Variants in RORA observed in about 807,000 individuals in gnomAD.
The protein encoded by RORA is nuclear receptor ROR-alpha.
RORA carries 7 observed loss-of-function variants against 69.5 expected under a neutral mutation model. That is an observed-to-expected ratio of 0.10 (90% CI 0.06 to 0.19). The LOEUF is 0.19. RORA is among the 10% of genes least tolerant of loss of function. The pLI is 1.00. For synonymous variants in RORA, 261 were observed against 240.8 expected, an observed-to-expected ratio of 1.08 and a Z score of -0.78; for missense variants, 457 against 663.0, an observed-to-expected ratio of 0.69 and a Z score of 3.41.
chr15:60,976,366 A>G (rs1893873369), intron 1 of RORA, among the ~76,000 whole-genome samples: 1 of 152,182 alleles, frequency 6.6e-6, no homozygotes, highest in South Asian at 2.1e-4. Context: ...ATCGCCCACA[A>G]AGAAAAGAGA....
At chr15:61,027,619 GCT>G (rs1038896613) in intron 1 of RORA, among the ~76,000 whole-genome samples, 19 of 152,054 alleles carry the variant, frequency 1.2e-4, no homozygotes, top group Non-Finnish European at 2.2e-4. Flanking sequence ...CACGTCCTCT[GCT>G]CTGTTACAAC....
At chr15:60,973,719 C>G (rs1006943354) in intron 1 of RORA, among the ~76,000 whole-genome samples, 1 of 152,166 alleles carries the variant, frequency 6.6e-6, no homozygotes, top group African/African-American at 2.4e-5. Context: ...GGCCAGGCCT[C>G]AAGAAGAACA....
intron 1 of RORA, among the ~76,000 whole-genome samples, chr15:61,076,498 G>C (rs1286611727): frequency 6.6e-6 from 1 of 152,030 alleles, no homozygotes; most frequent in Non-Finnish European, 1.5e-5. Flanking sequence ...GAACGTGCAA[G>C]CTAAAGATAG....
chr15:60,586,158 A>G (rs2068328518), intron 2 of RORA, among the ~76,000 whole-genome samples: 1 of 151,468 alleles, frequency 6.6e-6, no homozygotes, highest in Non-Finnish European at 1.5e-5. Context: ...ATGATATCAC[A>G]AAGACTGGTG....
chr15:60,703,629 T>C (rs1760815308), intron 1 of RORA, among the ~76,000 whole-genome samples: 1 of 152,164 alleles, frequency 6.6e-6, no homozygotes, highest in South Asian at 2.1e-4. Flanking sequence ...ATCTTCTTAA[T>C]AGCGATTAAG....
chr15:61,002,806 CA>C (rs1894782953), intron 1 of RORA, among the ~76,000 whole-genome samples: 1 of 152,052 alleles, frequency 6.6e-6, no homozygotes, highest in South Asian at 2.1e-4. Flanking sequence ...ACCAGTGTCA[CA>C]GAACTGGTTT....
At chr15:60,516,224 TATATATATA>T in intron 3 of RORA, among the ~76,000 whole-genome samples, 2 of 22,986 alleles carry the variant, frequency 8.7e-5, no homozygotes, top group Non-Finnish European at 1.4e-4. Flanking sequence ...TATATATATT[TATATATATA>T]TTTATATATA....
intron 1 of RORA, among the ~76,000 whole-genome samples, chr15:60,722,967 T>C (rs962958024): frequency 7.9e-5 from 12 of 152,092 alleles, no homozygotes; most frequent in African/African-American, 2.9e-4. Context: ...GACCCTTGAG[T>C]TTAACTTCTT....
chr15:61,126,136 C>G (rs1404743152), intron 1 of RORA, among the ~76,000 whole-genome samples: 4 of 152,188 alleles, frequency 2.6e-5, no homozygotes, highest in Non-Finnish European at 2.9e-5. Flanking sequence ...ATAAGCAGCC[C>G]TCCAGTTGAC....
At chr15:61,101,462 G>C (rs916663264) in intron 1 of RORA, among the ~76,000 whole-genome samples, 1 of 152,070 alleles carries the variant, frequency 6.6e-6, no homozygotes, top group Non-Finnish European at 1.5e-5. Context: ...CCCCGAGGTA[G>C]GGAAGAGCAT....
intron 1 of RORA, among the ~76,000 whole-genome samples, chr15:60,898,902 T>C (rs1891308669): frequency 6.6e-6 from 1 of 152,182 alleles, no homozygotes; most frequent in African/African-American, 2.4e-5. Context: ...GGGGATGGGT[T>C]TGGGGTCAAT....
At chr15:60,687,889 C>A (rs144009441) in intron 1 of RORA, among the ~76,000 whole-genome samples, 1,585 of 152,322 alleles carry the variant, frequency 0.01, 32 homozygotes, top group African/African-American at 0.036. Context: ...CTTTTCCCAG[C>A]TCTGCCACTT....
chr15:60,767,190 A>AT (rs1055923437), intron 1 of RORA, among the ~76,000 whole-genome samples: 1 of 151,972 alleles, frequency 6.6e-6, no homozygotes, highest in African/African-American at 2.4e-5. Context: ...TGGGATATAT[A>AT]TTTTTTTCTA....
At chr15:61,074,522 A>ATGGGT (rs971776896) in intron 1 of RORA, among the ~76,000 whole-genome samples, 9 of 152,330 alleles carry the variant, frequency 5.9e-5, no homozygotes, top group Admixed American at 5.9e-4. Context: ...ATATCTACAA[A>ATGGGT]TGGGTTTAGA....
chr15:60,622,017 C>T (rs1354436285), intron 2 of RORA, among the ~76,000 whole-genome samples: 3 of 151,990 alleles, frequency 2.0e-5, no homozygotes, highest in South Asian at 4.2e-4. Context: ...CGTTGCACTC[C>T]AGCCTGGGCA....
chr15:60,936,683 A>G (rs922777), intron 1 of RORA, among the ~76,000 whole-genome samples: 24,378 of 152,268 alleles, frequency 0.16, 2,031 homozygotes, highest in Admixed American at 0.2. Context: ...CAGTGGCAGC[A>G]GTCAAGAAAC....
At chr15:60,613,727 T>G (rs1282411372) in intron 2 of RORA, among the ~76,000 whole-genome samples, 2 of 148,088 alleles carry the variant, frequency 1.4e-5, no homozygotes, top group South Asian at 2.1e-4. Context: ...TGTGTGTGTG[T>G]GTGTGTGTGT....
At chr15:60,500,476 A>T (rs2065296816) in intron 9 of RORA, among the ~76,000 whole-genome samples, 1 of 152,210 alleles carries the variant, frequency 6.6e-6, no homozygotes, top group South Asian at 2.1e-4. Context: ...TTTATGTCTA[A>T]GTCTTCCAAA....
chr15:60,972,659 T>C (rs1893752620), intron 1 of RORA, among the ~76,000 whole-genome samples: 1 of 152,228 alleles, frequency 6.6e-6, no homozygotes. Flanking sequence ...ATTTAAATGC[T>C]GCTCCAATGC....
Sources: allele counts gnomAD v4.1 joint callset (sites outside exome capture counted in the v4.1 genomes callset), GRCh38; gene constraint gnomAD v4.1.1; transcripts MANE v1.5; gene names NCBI Gene and HGNC (gene_info 2026-07-23, HGNC 2026-07-21).